The following ADGRG3 variants were observed in gnomAD, a reference collection of about 807,000 sequenced individuals.
ADGRG3 encodes the protein G protein-coupled receptor 97.
ADGRG3 carries 39 observed loss-of-function variants against 54.3 expected under a neutral mutation model. The observed-to-expected ratio is 0.72, with a 90% CI of 0.56 to 0.94. The LOEUF (loss-of-function observed/expected upper bound fraction) is 0.94, where lower values mean the gene tolerates loss of function less well. Ranked by LOEUF, ADGRG3 falls within the 40% of genes least tolerant of loss-of-function variation. ADGRG3 has a pLI of 0.00. For synonymous variants in ADGRG3, 312 were observed against 290.0 expected, an observed-to-expected ratio of 1.08 and a Z score of -0.77; for missense variants, 654 against 694.6, an observed-to-expected ratio of 0.94 and a Z score of 0.66.
chr16:57,672,285 G>A (rs1248677080), intron 1 of ADGRG3, among the ~76,000 whole-genome samples: 1 of 152,062 alleles, frequency 6.6e-6, no homozygotes, highest in Non-Finnish European at 1.5e-5. Flanking sequence ...CAGCAATTTG[G>A]GCAGCTGAGG....
chr16:57,680,446 T>C, intron 7 of ADGRG3, 59 bp from the exon 8 acceptor site: 1 of 1,569,992 alleles, frequency 6.4e-7, no homozygotes, highest in Non-Finnish European at 8.8e-7. Flanking sequence ...CCTGGTGGTC[T>C]TTGGGTATAT....
chr16:57,682,466 C>A, intron 8 of ADGRG3: 8 of 984,514 alleles, frequency 8.1e-6, no homozygotes, highest in Non-Finnish European at 9.6e-6. Flanking sequence ...AATGGTGCCC[C>A]TCACCCCCAC....
At chr16:57,675,536 C>T (rs1311003318) in intron 2 of ADGRG3, among the ~76,000 whole-genome samples, 1 of 152,120 alleles carries the variant, frequency 6.6e-6, no homozygotes, top group Non-Finnish European at 1.5e-5. Context: ...GAGGCTGAGG[C>T]AGCAGAATCG....
chr16:57,681,369 TGTGTGTGCGCGCGTGC>T (rs1361569166), intron 8 of ADGRG3, among the ~76,000 whole-genome samples: 70 of 117,228 alleles, frequency 6.0e-4, no homozygotes, highest in African/African-American at 3.1e-3. Flanking sequence ...TGTGTGTGTG[TGTGTGTGCGCGCGTGC>T]GTGCGCGCAG....
At chr16:57,671,550 G>T (rs990938066) in intron 1 of ADGRG3, among the ~76,000 whole-genome samples, 2 of 151,946 alleles carry the variant, frequency 1.3e-5, no homozygotes, top group Admixed American at 6.6e-5. Context: ...GGCCAGGCTG[G>T]TCTCAAACTC....
rs527368712 is a variant in ADGRG3 at position 57,689,143 on chromosome 16, C to T, written c.*682C>T. ...GACTCTGACTGCCACGTGGGTGGCC[C>T]GACCTCTGACCTGCTGTCATCGTAG... On this transcript the variant is annotated 3_prime_UTR_variant, in exon 12 of 12. Transcript: ENST00000333493. The T allele has an allele frequency of 4.0e-4, 62 of 153,818 alleles. No homozygotes were observed. Among genetic ancestry groups the T allele is most frequent in the Non-Finnish European group, 7.4e-4 (51 of 69,058 alleles). 9.5% of individuals were successfully genotyped at this position (153,818 alleles called of 1,614,324 possible).
At position 57,680,302 on chromosome 16, in the gene ADGRG3, G is replaced by A. The variant is rs547471446; in HGVS notation, c.705G>A (p.Thr235=). Residue 235 remains threonine (T), a synonymous_variant, in exon 7 of 12, where the codon ACG becomes ACA. Transcript: ENST00000333493. ...ACTGGTCTTCTGAGGGCTGCTCCACGGAGGTCAGACCTGAGGGGACCGTGT... is the reference window on the plus strand; with the variant it reads ...ACTGGTCTTCTGAGGGCTGCTCCACAGAGGTCAGACCTGAGGGGACCGTGT... ...TGDWSSEGCS[T]EVRPEGTVCC... 64 of 1,607,520 alleles carry A rather than the reference G, an allele frequency of 4.0e-5. No individual in the cohort carries two copies. The highest frequency in any genetic ancestry group is 1.2e-4 in the South Asian group (11 of 90,798).
chr16:57,666,592 A>G (rs2048062416), upstream of ADGRG3, among the ~76,000 whole-genome samples: 1 of 152,156 alleles, frequency 6.6e-6, no homozygotes, highest in African/African-American at 2.4e-5. Flanking sequence ...CATTGGGAGA[A>G]GCTGGGGCAG....
Position 57,676,238 on chromosome 16 carries a change from G to T in ADGRG3, c.245G>T (p.Gly82Val). 6.2e-7 allele frequency: 1 copy of T among 1,614,144 alleles called. No individual in the cohort carries two copies. Among genetic ancestry groups the T allele is most frequent in the South Asian group, 1.1e-5 (1 of 91,084 alleles). Residue 82 changes from glycine (G) to valine (V), a missense_variant, in exon 3 of 12, where the codon GGT (glycine) becomes GTT (valine). Coordinates refer to ENST00000333493, the MANE Select transcript of ADGRG3 (RefSeq NM_170776.5). ...LNYEAHLMKE[G>V]LTQKVNTPFL... ...TACGAGGCCCATCTGATGAAGGAAGGTTTGACGCAGAAGGTGAACACGCCT... is the reference window on the plus strand; with the variant it reads ...TACGAGGCCCATCTGATGAAGGAAGTTTTGACGCAGAAGGTGAACACGCCT...
chr16:57,679,065 T>C, intron 4 of ADGRG3, 112 bp from the exon 5 acceptor site: 1 of 1,291,440 alleles, frequency 7.7e-7, no homozygotes, highest in African/African-American at 1.5e-5. Flanking sequence ...GGTCTCGAAC[T>C]CTGCCCTCCA....
rs369002819 is a variant in ADGRG3 at position 57,680,538 on chromosome 16, C to G, written c.802C>G (p.Leu268Val). Residue 268 changes from leucine to valine, a missense_variant, in exon 8 of 12, where the codon CTC becomes GTC. Physicochemically the swap from Leu to Val is conservative, Grantham distance 32. Transcript: ENST00000333493. ...CTTGGACCAGTCCACGGTGCATATC[C>G]TCACACGCATCTCCCAGGCGGGCTG... ...PTLDQSTVHI[L>V]TRISQAGCGV... The G allele has an allele frequency of 6.8e-6, 11 of 1,613,858 alleles. No homozygotes were observed. The African/African-American group carries it at 1.1e-4, about 16-fold the overall frequency.
chr16:57,665,978 C>T (rs1055699772), upstream of ADGRG3, among the ~76,000 whole-genome samples: 3 of 151,654 alleles, frequency 2.0e-5, no homozygotes, highest in Admixed American at 6.6e-5. Context: ...TCCACTCCCT[C>T]CACTGACCTC....
At chr16:57,667,719 C>G (rs1017166455), upstream of ADGRG3, among the ~76,000 whole-genome samples, 2 of 152,174 alleles carry the variant, frequency 1.3e-5, no homozygotes, top group East Asian at 3.9e-4. Flanking sequence ...TCCTGTTATC[C>G]AGGCTGGTGG....
intron 11 of ADGRG3, 92 bp from the exon 12 acceptor site, chr16:57,688,260 G>T: frequency 2.5e-6 from 2 of 802,752 alleles, no homozygotes; most frequent in South Asian, 1.3e-5. Context: ...TGGTTACGGT[G>T]GGTCTCCTCC....
In ADGRG3 at chr16:57,680,617, G is replaced by T; in HGVS notation, c.881G>T (p.Arg294Met). Reference sequence around the variant, plus strand: ...ACCATTATTCTTTATGCCTTTCTGAGGTGAGTGATCCCCACCTCCCCACCA... The same window carrying T: ...ACCATTATTCTTTATGCCTTTCTGATGTGAGTGATCCCCACCTCCCCACCA... ...AFTIILYAFL[R>M]LSRERFKSED... Residue 294 changes from arginine to methionine, a missense_variant and splice_region_variant, in exon 8 of 12, where the codon AGG (arginine) becomes ATG (methionine). Physicochemically the swap from Arg to Met is moderately conservative, Grantham distance 91. Transcript: ENST00000333493. 6.3e-7 allele frequency: 1 copy of T among 1,599,420 alleles called. No homozygotes were observed.
chr16:57,688,700 C>A lies in ADGRG3; in HGVS notation c.*239C>A. 2.1e-6 allele frequency: 1 copy of A among 486,424 alleles called. No homozygotes were observed. Among genetic ancestry groups the A allele is most frequent in the Non-Finnish European group, 3.7e-6 (1 of 267,626 alleles). 30.1% of individuals were successfully genotyped at this position (486,424 alleles called of 1,614,324 possible). A position where few individuals can be genotyped will look rare whatever the true frequency, so the allele number is the denominator to read the frequency against. On this transcript the variant is annotated 3_prime_UTR_variant, in exon 12 of 12. Coordinates refer to ENST00000333493, the MANE Select transcript of ADGRG3 (RefSeq NM_170776.5). ...AAAGTTCCTATAGTCCTGAGACCCC[C>A]TGCCAGCAAAGAGTGACAGTCACCT...
intron 11 of ADGRG3, among the ~76,000 whole-genome samples, chr16:57,687,795 A>C (rs2048502222): frequency 6.6e-6 from 1 of 152,192 alleles, no homozygotes; most frequent in Non-Finnish European, 1.5e-5. Flanking sequence ...GTAAGCCTGC[A>C]CACTTCACTC....
chr16:57,668,393 C>T lies in ADGRG3; in HGVS notation c.46C>T (p.Leu16Phe), dbSNP rs754275265. 9.5e-6 allele frequency: 15 copies of T among 1,573,520 alleles called. No individual in the cohort carries two copies. The South Asian group carries it at 1.4e-4, about 15-fold the overall frequency. The change falls in exon 1 of 12, where the codon CTC (leucine) becomes TTC (phenylalanine). Residue 16 changes from leucine to phenylalanine, a missense_variant. Physicochemically the swap from Leu to Phe is conservative, Grantham distance 22 (BLOSUM62 0). Transcript: ENST00000333493. Reference sequence around the variant, plus strand: ...GGGGGCCCTGCTCCTGCTCCTCCTGCTCCCGACCTCAGGTGAGTGGCTGGC... The same window carrying T: ...GGGGGCCCTGCTCCTGCTCCTCCTGTTCCCGACCTCAGGTGAGTGGCTGGC... Reference protein sequence around the residue: ...GLGALLLLLLLPTSGQEKPTE... With the variant: ...GLGALLLLLLFPTSGQEKPTE...
At position 57,678,176 on chromosome 16, in the gene ADGRG3, AG is replaced by A. The variant is rs1230815133; in HGVS notation, c.354del (p.Arg118SerfsTer3). The stretch of plus-strand genomic sequence containing the variant: ...GCTGTGTCTGTGGTTGTAGGTTCCG[AG>A]GCAGGTGATGAAGGACGAGGACAAG... The part of the protein sequence containing the change: ...YFSLEPSQVP[R>X]QVMKDEDKPP... On this transcript the variant is annotated frameshift_variant, in exon 4 of 12. Transcript: ENST00000333493. LOFTEE classifies it high-confidence loss of function. The A allele has an allele frequency of 1.2e-6, 2 of 1,613,900 alleles. No individual in the cohort carries two copies. The highest frequency in any genetic ancestry group is 1.7e-6 in the Non-Finnish European group (2 of 1,179,976).
Sources: gnomAD v4.1 joint callset for allele counts (sites outside exome capture counted in the v4.1 genomes callset) on GRCh38, gnomAD v4.1.1 for gene constraint, MANE v1.5 for transcripts, NCBI Gene and HGNC (gene_info 2026-07-23, HGNC 2026-07-21) for gene names.